DTNBP1: variants seen among roughly 807,000 people sequenced by gnomAD.
DTNBP1 encodes dystrobrevin binding protein 1, also known as dysbindin.
Under a neutral mutation model 42.8 loss-of-function variants are expected in DTNBP1, and 35 were observed. The ratio of observed to expected loss-of-function variants is 0.82; its 90% CI spans 0.63 to 1.09. The LOEUF (loss-of-function observed/expected upper bound fraction) is 1.09. DTNBP1 is among the 50% of genes least tolerant of loss of function. DTNBP1 has a pLI of 0.00. For missense variants in DTNBP1, 457 were observed against 424.2 expected (o/e 1.08, Z -0.68); for synonymous variants, 171 against 162.2 (o/e 1.05, Z -0.41).
intron 7 of DTNBP1, among the ~76,000 whole-genome samples, chr6:15,537,262 T>C (rs1773292978): frequency 6.6e-6 from 1 of 151,278 alleles, no homozygotes; most frequent in East Asian, 1.9e-4. Flanking sequence ...TTTGTAAAAA[T>C]ACAAAAAAAA....
intron 3 of DTNBP1, among the ~76,000 whole-genome samples, chr6:15,638,179 G>A (rs1412331038): frequency 2.0e-5 from 3 of 151,856 alleles, no homozygotes; most frequent in East Asian, 1.9e-4. Context: ...CCAGGCTGGA[G>A]TGCAGTGGTG....
intron 7 of DTNBP1, among the ~76,000 whole-genome samples, chr6:15,592,686 T>G (rs185335181): frequency 6.6e-6 from 1 of 152,172 alleles, no homozygotes; most frequent in Admixed American, 6.5e-5. Context: ...TCTCAGGAGG[T>G]TCGAGTGACT....
At chr6:15,605,699 C>T (rs1337701002) in intron 6 of DTNBP1, among the ~76,000 whole-genome samples, 1 of 152,134 alleles carries the variant, frequency 6.6e-6, no homozygotes, top group Non-Finnish European at 1.5e-5. Context: ...TATTTTGGCT[C>T]CTATACTAAA....
intron 6 of DTNBP1, 39 bp from the exon 7 acceptor site, chr6:15,593,120 TA>T: frequency 6.5e-7 from 1 of 1,530,390 alleles, no homozygotes. Context: ...CAATGCAAAT[TA>T]AAAATCTCCC....
At chr6:15,541,116 A>G (rs766114445) in intron 7 of DTNBP1, among the ~76,000 whole-genome samples, 20 of 152,198 alleles carry the variant, frequency 1.3e-4, no homozygotes, top group Non-Finnish European at 2.2e-4. Context: ...AGGACCGAGT[A>G]TAGTTGCACC....
intron 7 of DTNBP1, chr6:15,585,570 G>T: frequency 1.2e-6 from 1 of 842,886 alleles, no homozygotes; most frequent in Non-Finnish European, 1.7e-6. Context: ...TGTACTACTT[G>T]TAGGTTCAAG....
intron 6 of DTNBP1, chr6:15,615,056 A>C: frequency 1.4e-6 from 1 of 730,484 alleles, no homozygotes; most frequent in South Asian, 1.5e-5. Flanking sequence ...TTTGGGATTC[A>C]TGTTTTACCT....
chr6:15,598,808 C>G (rs555602805), intron 6 of DTNBP1, among the ~76,000 whole-genome samples: 3 of 152,264 alleles, frequency 2.0e-5, no homozygotes, highest in African/African-American at 7.2e-5. Flanking sequence ...TATACAAAAC[C>G]AGCAAGACAT....
At chr6:15,567,773 C>T (rs1036131129) in intron 7 of DTNBP1, among the ~76,000 whole-genome samples, 25 of 152,152 alleles carry the variant, frequency 1.6e-4, no homozygotes, top group African/African-American at 6.0e-4. Flanking sequence ...CACGGTCACT[C>T]ATATTTGGCT....
chr6:15,609,940 A>G (rs565635158), intron 6 of DTNBP1, among the ~76,000 whole-genome samples: 2 of 152,300 alleles, frequency 1.3e-5, no homozygotes, highest in African/African-American at 4.8e-5. Context: ...TGAATGCTCC[A>G]TTCTTCCGCA....
chr6:15,612,212 A>G (rs1424886206), intron 6 of DTNBP1, among the ~76,000 whole-genome samples: 1 of 152,238 alleles, frequency 6.6e-6, no homozygotes, highest in Non-Finnish European at 1.5e-5. Flanking sequence ...CATCAAAAAG[A>G]TTACAACTCA....
rs114458123 is a variant in DTNBP1, at chr6:15,546,526, G to T, written c.512-13131C>A. On this transcript the variant is annotated intron_variant, in intron 7 of 9. Coordinates refer to ENST00000344537, the MANE Select transcript of DTNBP1 (RefSeq NM_032122.5). ...TTTGAGTTAGACAATGACATTTCAA[G>T]AAAATAAGATTTAATTATTAACAAA... Among the ~76,000 whole-genome samples, 1,298 of 152,228 alleles carry T rather than the reference G, an allele frequency of 8.5e-3. 26 individuals are homozygous for T. Among genetic ancestry groups the T allele is most frequent in the African/African-American group, 0.03 (1,226 of 41,536 alleles).
intron 7 of DTNBP1, among the ~76,000 whole-genome samples, chr6:15,567,457 G>GAAACAAAC (rs59351095): frequency 1.1e-3 from 170 of 150,084 alleles, no homozygotes; most frequent in Non-Finnish European, 1.6e-3. Context: ...TGTCTCTCGG[G>GAAACAAAC]AAACAAACAA....
At chr6:15,653,457 T>A (rs1265679764) in intron 1 of DTNBP1, among the ~76,000 whole-genome samples, 2 of 152,222 alleles carry the variant, frequency 1.3e-5, no homozygotes, top group African/African-American at 2.4e-5. Context: ...GCTATTTAAT[T>A]CTAGCAGTCT....
chr6:15,576,244 G>T (rs964268380), intron 7 of DTNBP1, among the ~76,000 whole-genome samples: 7 of 151,694 alleles, frequency 4.6e-5, no homozygotes, highest in African/African-American at 9.7e-5. Context: ...TCAGACTCCC[G>T]AGTAGCCGGG....
At chr6:15,656,618 T>C (rs777671493) in intron 1 of DTNBP1, among the ~76,000 whole-genome samples, 47 of 152,160 alleles carry the variant, frequency 3.1e-4, no homozygotes, top group Non-Finnish European at 6.0e-4. Context: ...CGTGGTGGTG[T>C]ATGCCTGTAG....
In DTNBP1 at chr6:15,635,078, C is replaced by G. The variant is rs185860378; in HGVS notation, c.222+2666G>C. 2.3e-3 allele frequency among the ~76,000 whole-genome samples: 352 copies of G among 152,186 alleles called. 2 individuals are homozygous for G. Among genetic ancestry groups the G allele is most frequent in the African/African-American group, 7.8e-3 (325 of 41,528 alleles). On this transcript the variant is annotated intron_variant, in intron 4 of 9. Transcript: ENST00000344537. ...ACTCATTCATTTATAAGTGATCTATCTTCTCTCTAGTTAAGATCTTCTCCT... is the reference window on the plus strand; with the variant it reads ...ACTCATTCATTTATAAGTGATCTATGTTCTCTCTAGTTAAGATCTTCTCCT...
intron 4 of DTNBP1, among the ~76,000 whole-genome samples, chr6:15,635,661 T>G (rs1231374168): frequency 6.6e-6 from 1 of 152,226 alleles, no homozygotes; most frequent in African/African-American, 2.4e-5. Context: ...CAATCTCACC[T>G]GGTTCAACCT....
At chr6:15,638,191 G>A (rs1031907770) in intron 3 of DTNBP1, among the ~76,000 whole-genome samples, 6 of 151,688 alleles carry the variant, frequency 4.0e-5, no homozygotes, top group Admixed American at 1.3e-4. Flanking sequence ...GCAGTGGTGC[G>A]ATCTCGACTC....
Sources: gnomAD v4.1 joint callset for allele counts (sites outside exome capture counted in the v4.1 genomes callset) on GRCh38, gnomAD v4.1.1 for gene constraint, MANE v1.5 for transcripts, NCBI Gene and HGNC (gene_info 2026-07-23, HGNC 2026-07-21) for gene names.